The following DGKB variants were observed in gnomAD, a reference collection of about 807,000 sequenced individuals.
The protein encoded by DGKB is 90 kDa diacylglycerol kinase.
Under a neutral mutation model 114.3 loss-of-function variants are expected in DGKB, and 67 were observed. The ratio of observed to expected loss-of-function variants is 0.59; its 90% confidence interval spans 0.48 to 0.72. The LOEUF (loss-of-function observed/expected upper bound fraction) is 0.72. DGKB is among the 30% of genes least tolerant of loss of function. DGKB has a pLI of 0.00. For missense variants in DGKB, 907 were observed against 975.2 expected, an observed-to-expected ratio of 0.93 and a Z score of 0.93; for synonymous variants, 398 against 323.1, an observed-to-expected ratio of 1.23 and a Z score of -2.49.
intron 14 of DGKB, among the ~76,000 whole-genome samples, chr7:14,624,939 A>C (rs1335354560): frequency 2.6e-5 from 4 of 152,076 alleles, no homozygotes; most frequent in Non-Finnish European, 4.4e-5. Context: ...TGGAGGTTGC[A>C]GTGAGCCAAG....
intron 1 of DGKB, among the ~76,000 whole-genome samples, chr7:14,960,300 C>A (rs1786767978): frequency 6.6e-6 from 1 of 151,910 alleles, no homozygotes; most frequent in Non-Finnish European, 1.5e-5. Flanking sequence ...AAATTGTGAT[C>A]TATTTAAAAA....
chr7:14,939,647 T>C (rs1300906100), intron 1 of DGKB, among the ~76,000 whole-genome samples: 6 of 142,528 alleles, frequency 4.2e-5, no homozygotes, highest in Admixed American at 7.1e-5. Flanking sequence ...TTTTTTTTTT[T>C]GAGACGGAGT....
chr7:14,199,048 A>G (rs1224327029), intron 23 of DGKB, among the ~76,000 whole-genome samples: 1 of 152,086 alleles, frequency 6.6e-6, no homozygotes, highest in African/African-American at 2.4e-5. Context: ...CAGTTACCCT[A>G]TCTCTAAAAG....
chr7:14,936,148 T>C (rs186482187), intron 1 of DGKB, among the ~76,000 whole-genome samples: 54 of 152,312 alleles, frequency 3.5e-4, no homozygotes, highest in South Asian at 2.7e-3. Flanking sequence ...TAAACTCTAA[T>C]GTATTTTCAG....
intron 12 of DGKB, among the ~76,000 whole-genome samples, chr7:14,678,257 T>C (rs1425145888): frequency 1.3e-5 from 2 of 152,058 alleles, no homozygotes; most frequent in Non-Finnish European, 2.9e-5. Flanking sequence ...CAGTTAACAG[T>C]GCAAACGATG....
intron 13 of DGKB, among the ~76,000 whole-genome samples, chr7:14,666,426 A>G (rs1365547584): frequency 1.3e-5 from 2 of 152,014 alleles, no homozygotes; most frequent in Non-Finnish European, 2.9e-5. Context: ...TGGCCTCATT[A>G]GGCCATATTC....
chr7:14,610,308 T>G lies in DGKB; in HGVS notation c.1359-2800A>C, dbSNP rs139027314. 6.7e-4 allele frequency among the ~76,000 whole-genome samples: 102 copies of G among 152,126 alleles called. 2 individuals are homozygous for G. The East Asian group carries it at 0.018, about 26-fold the overall frequency. On this transcript the variant is annotated intron_variant, in intron 16 of 25. Coordinates refer to ENST00000402815, the MANE Select transcript of DGKB (RefSeq NM_001350709.2). Reference sequence around the variant, plus strand: ...ATACTGCATGTACTGCACGAAATGTTAAGCAGCAGCTAAACATTGAGAACA... The same window carrying G: ...ATACTGCATGTACTGCACGAAATGTGAAGCAGCAGCTAAACATTGAGAACA...
intron 12 of DGKB, among the ~76,000 whole-genome samples, chr7:14,677,572 C>G (rs187084384): frequency 2.8e-4 from 43 of 151,924 alleles, no homozygotes; most frequent in Admixed American, 1.1e-3. Context: ...GTTATTTTTT[C>G]AAGCCTAAAT....
intron 23 of DGKB, among the ~76,000 whole-genome samples, chr7:14,183,263 C>T (rs185783481): frequency 1.9e-3 from 292 of 152,288 alleles, no homozygotes; most frequent in African/African-American, 6.4e-3. Context: ...AATGATTCGT[C>T]TTCAAAATGT....
chr7:14,594,708 G>A (rs761926109), intron 17 of DGKB, among the ~76,000 whole-genome samples: 3 of 152,056 alleles, frequency 2.0e-5, no homozygotes, highest in Admixed American at 1.3e-4. Flanking sequence ...TAATTAGAAT[G>A]AGGTTTTATT....
chr7:14,204,566 C>G (rs1383963079), intron 23 of DGKB, among the ~76,000 whole-genome samples: 1 of 151,968 alleles, frequency 6.6e-6, no homozygotes, highest in Non-Finnish European at 1.5e-5. Context: ...AGGGCTTATG[C>G]TTTTTGATGA....
rs76461709 is a variant in DGKB at position 14,797,917 on chromosome 7, G to T, written c.71-40186C>A. Among the ~76,000 whole-genome samples, 909 of 152,194 alleles carry T rather than the reference G, an allele frequency of 6.0e-3. 3 individuals are homozygous for T. Among genetic ancestry groups the T allele is most frequent in the African/African-American group, 0.021 (870 of 41,536 alleles). ...CTTGTCCCATGACCAAGTGGAATAA[G>T]GTACATGGACACCGGAGAGTGAATA... On this transcript the variant is annotated intron_variant, in intron 2 of 25. Coordinates refer to ENST00000402815, the MANE Select transcript of DGKB (RefSeq NM_001350709.2).
At chr7:14,488,513 C>T (rs532239540) in intron 20 of DGKB, among the ~76,000 whole-genome samples, 1 of 151,968 alleles carries the variant, frequency 6.6e-6, no homozygotes, top group Non-Finnish European at 1.5e-5. Context: ...TCTCTCAAGG[C>T]GTTTATTTTA....
rs554759590 is a variant in DGKB, at chr7:14,684,092, C to T, written c.829+1153G>A. On this transcript the variant is annotated intron_variant, in intron 10 of 25. Transcript: ENST00000402815. ...ACTAACATGTAACTAAACTTTCAAA[C>T]GTAGCTGTCAGAGACTATGTTACAC... is the stretch of plus-strand genomic sequence containing the variant. Among the ~76,000 whole-genome samples, 401 of 152,174 alleles carry T rather than the reference C, an allele frequency of 2.6e-3. 1 individual carries two copies. The highest frequency in any genetic ancestry group is 9.0e-3 in the African/African-American group (375 of 41,554).
intron 17 of DGKB, among the ~76,000 whole-genome samples, chr7:14,595,672 A>C (rs1802461926): frequency 6.6e-6 from 1 of 151,660 alleles, no homozygotes; most frequent in Admixed American, 6.6e-5. Flanking sequence ...ATAGCTTACA[A>C]ACATTACATC....
At position 14,461,755 on chromosome 7, in the gene DGKB, T is replaced by A. The variant is rs1463938106; in HGVS notation, c.1835+16406A>T. Reference sequence around the variant, plus strand: ...AGGGACTCCTCCCTAACTCATTTTATGAGGCCAGCATCATCCTGATACCAA... The same window carrying A: ...AGGGACTCCTCCCTAACTCATTTTAAGAGGCCAGCATCATCCTGATACCAA... On this transcript the variant is annotated intron_variant, in intron 21 of 25. Coordinates refer to ENST00000402815, the MANE Select transcript of DGKB (RefSeq NM_001350709.2). Among the ~76,000 whole-genome samples, 4 of 152,306 alleles carry A rather than the reference T, an allele frequency of 2.6e-5. No homozygotes were observed. In the East Asian group the frequency reaches 7.7e-4, roughly 29 times the overall value.
intron 17 of DGKB, among the ~76,000 whole-genome samples, chr7:14,589,360 A>G (rs986555640): frequency 6.6e-6 from 1 of 151,912 alleles, no homozygotes; most frequent in Non-Finnish European, 1.5e-5. Flanking sequence ...AGTAATCTCT[A>G]GTCTTTATAA....
At chr7:14,489,529 T>A (rs1432303287) in intron 20 of DGKB, among the ~76,000 whole-genome samples, 3 of 152,210 alleles carry the variant, frequency 2.0e-5, no homozygotes, top group Non-Finnish European at 4.4e-5. Context: ...AAGCTGCAAA[T>A]GTGTTCAGTG....
intron 20 of DGKB, among the ~76,000 whole-genome samples, chr7:14,560,819 A>G (rs1359136114): frequency 6.6e-6 from 1 of 152,178 alleles, no homozygotes; most frequent in African/African-American, 2.4e-5. Flanking sequence ...TTGCATCCCA[A>G]CATTATGCAG....
Sources: allele counts gnomAD v4.1 joint callset (sites outside exome capture counted in the v4.1 genomes callset), GRCh38; gene constraint gnomAD v4.1.1; transcripts MANE v1.5; gene names NCBI Gene and HGNC (gene_info 2026-07-23, HGNC 2026-07-21).